Variants in TRIM2 observed in about 807,000 individuals in gnomAD.
TRIM2 encodes tripartite motif containing 2.
Under a neutral mutation model 75.2 loss-of-function variants are expected in TRIM2, and 20 were observed. That is an observed-to-expected ratio of 0.27 (90% CI 0.19 to 0.39). The LOEUF is 0.39. Among genes scored for constraint, TRIM2 ranks in the 10% least tolerant of loss-of-function variants. The pLI is 1.00. For synonymous variants in TRIM2, 373 were observed against 388.3 expected (o/e 0.96, Z 0.46); for missense variants, 660 against 990.8 (o/e 0.67, Z 4.48).
intron 1 of TRIM2, among the ~76,000 whole-genome samples, chr4:153,254,891 G>A (rs188217535): frequency 6.2e-4 from 94 of 152,244 alleles, no homozygotes; most frequent in Non-Finnish European, 9.6e-4. Flanking sequence ...TAAAAGATCA[G>A]AAACAGATAT....
At chr4:153,274,218 A>G (rs866993914) in intron 2 of TRIM2, among the ~76,000 whole-genome samples, 3 of 152,320 alleles carry the variant, frequency 2.0e-5, no homozygotes, top group African/African-American at 7.2e-5. Context: ...TCTGGTTGCA[A>G]TGTGGATAAT....
At chr4:153,226,872 A>C (rs1742267050) in intron 1 of TRIM2, among the ~76,000 whole-genome samples, 1 of 152,240 alleles carries the variant, frequency 6.6e-6, no homozygotes, top group Non-Finnish European at 1.5e-5. Flanking sequence ...AAGGAAAGAT[A>C]ATTTTCAAGC....
intron 1 of TRIM2, among the ~76,000 whole-genome samples, chr4:153,246,038 A>G (rs1749050591): frequency 6.6e-6 from 1 of 152,206 alleles, no homozygotes; most frequent in Admixed American, 6.5e-5. Flanking sequence ...GTTGCAACGG[A>G]TACTGTATTG....
intron 1 of TRIM2, among the ~76,000 whole-genome samples, chr4:153,189,243 G>T (rs1732934264): frequency 6.6e-6 from 1 of 152,158 alleles, no homozygotes; most frequent in Non-Finnish European, 1.5e-5. Context: ...GAGAGATGAG[G>T]GGAAAAGTTT....
chr4:153,246,402 C>A (rs1428401558), intron 1 of TRIM2, among the ~76,000 whole-genome samples: 1 of 152,176 alleles, frequency 6.6e-6, no homozygotes, highest in Non-Finnish European at 1.5e-5. Context: ...CCACAGAACA[C>A]CAACATGCCT....
chr4:153,190,565 G>A (rs1302588165), intron 1 of TRIM2, among the ~76,000 whole-genome samples: 1 of 152,062 alleles, frequency 6.6e-6, no homozygotes, highest in Non-Finnish European at 1.5e-5. Flanking sequence ...CCCGACTCCA[G>A]AATCTACTGT....
At chr4:153,219,241 C>T (rs1424419405) in intron 1 of TRIM2, among the ~76,000 whole-genome samples, 1 of 152,102 alleles carries the variant, frequency 6.6e-6, no homozygotes, top group Non-Finnish European at 1.5e-5. Flanking sequence ...GAGTGCCATG[C>T]AAGAAGCAGA....
At chr4:153,178,531 G>A (rs1450701693) in intron 1 of TRIM2, among the ~76,000 whole-genome samples, 1 of 152,200 alleles carries the variant, frequency 6.6e-6, no homozygotes, top group Admixed American at 6.5e-5. Context: ...TGCAGTTTGA[G>A]AGAGGGTAAA....
intron 10 of TRIM2, among the ~76,000 whole-genome samples, chr4:153,325,231 G>T (rs1407487947): frequency 5.9e-5 from 9 of 152,338 alleles, no homozygotes; most frequent in Admixed American, 5.9e-4. Context: ...TTTTTGATGG[G>T]TGCCAAGTCC....
chr4:153,206,984 G>A (rs1024532757), intron 1 of TRIM2, among the ~76,000 whole-genome samples: 5 of 152,062 alleles, frequency 3.3e-5, no homozygotes, highest in East Asian at 3.9e-4. Context: ...GGGCTCAAGC[G>A]ATCCTCCAGA....
At chr4:153,333,557 A>G (rs548081822) in intron 11 of TRIM2, among the ~76,000 whole-genome samples, 2 of 152,180 alleles carry the variant, frequency 1.3e-5, no homozygotes, top group Admixed American at 6.5e-5. Context: ...GCCACTTCCT[A>G]TGAATCTATA....
chr4:153,252,787 C>T (rs759625244), intron 1 of TRIM2, among the ~76,000 whole-genome samples: 3 of 152,214 alleles, frequency 2.0e-5, no homozygotes, highest in Admixed American at 6.5e-5. Flanking sequence ...GGATTACAGG[C>T]GTAAGCCACC....
intron 8 of TRIM2, among the ~76,000 whole-genome samples, chr4:153,316,556 C>T (rs1481842069): frequency 6.6e-6 from 1 of 151,884 alleles, no homozygotes; most frequent in Admixed American, 6.6e-5. Context: ...TGAAAACATA[C>T]GTACATAATA....
At position 153,210,591 on chromosome 4, in the gene TRIM2, A is replaced by G. The variant is rs186243945; in HGVS notation, c.30+6031A>G. ...TTCCACTGGGGACCAAAAGGAAGGA[A>G]CTAGAGCTCTCAAAATATTTGATTC... On this transcript the variant is annotated intron_variant, in intron 1 of 11. Coordinates refer to ENST00000338700, the MANE Select transcript of TRIM2 (RefSeq NM_015271.5). Among the ~76,000 whole-genome samples, 18 of 152,312 alleles carry G rather than the reference A, an allele frequency of 1.2e-4. No individual in the cohort carries two copies. In the East Asian group the frequency reaches 3.3e-3, roughly 28 times the overall value.
At chr4:153,296,403 C>T (rs1376741008) in intron 6 of TRIM2, among the ~76,000 whole-genome samples, 5 of 152,166 alleles carry the variant, frequency 3.3e-5, no homozygotes, top group African/African-American at 1.2e-4. Flanking sequence ...GGCAATCCTC[C>T]CCCTAACCCC....
chr4:153,244,693 T>C (rs1257376911), intron 1 of TRIM2, among the ~76,000 whole-genome samples: 1 of 152,110 alleles, frequency 6.6e-6, no homozygotes, highest in Non-Finnish European at 1.5e-5. Flanking sequence ...CATATTTTAA[T>C]ATTATTAGAG....
Position 153,337,504 on chromosome 4 carries a change from A to G in TRIM2, c.*2538A>G, listed in dbSNP as rs920072273. 3.0e-6 allele frequency: 3 copies of G among 985,740 alleles called. No homozygotes were observed. In the Admixed American group the frequency reaches 1.8e-4, roughly 61 times the overall value. 61.1% of individuals were successfully genotyped at this position (985,740 alleles called of 1,614,324 possible). A position where few individuals can be genotyped will look rare whatever the true frequency, so the allele number is the denominator to read the frequency against. Reference sequence around the variant, plus strand: ...TGCTATGAGCACTCCAGGAAACACTATATTTTTTCCAAAAAATATGTGATT... The same window carrying G: ...TGCTATGAGCACTCCAGGAAACACTGTATTTTTTCCAAAAAATATGTGATT... On this transcript the variant is annotated 3_prime_UTR_variant, in exon 12 of 12. Transcript: ENST00000338700.
At chr4:153,299,019 G>A (rs376540812) in intron 6 of TRIM2, among the ~76,000 whole-genome samples, 7 of 152,078 alleles carry the variant, frequency 4.6e-5, no homozygotes, top group Non-Finnish European at 8.8e-5. Context: ...GATTACCGGC[G>A]TGAGCCACCA....
At chr4:153,178,053 C>T (rs1164297323) in intron 1 of TRIM2, among the ~76,000 whole-genome samples, 3 of 152,138 alleles carry the variant, frequency 2.0e-5, no homozygotes, top group Non-Finnish European at 4.4e-5. Context: ...CTGCACACCT[C>T]GGCCTCCCAA....
Sources: allele counts gnomAD v4.1 joint callset (sites outside exome capture counted in the v4.1 genomes callset), GRCh38; gene constraint gnomAD v4.1.1; transcripts MANE v1.5; gene names NCBI Gene and HGNC (gene_info 2026-07-23, HGNC 2026-07-21).